Variants in SNX7 observed in about 807,000 individuals in gnomAD.
SNX7 encodes sorting nexin 7.
A neutral mutation model predicts 48.4 loss-of-function variants in SNX7; 35 were observed. The ratio of observed to expected loss-of-function variants is 0.72; its 90% CI spans 0.55 to 0.96. The LOEUF (loss-of-function observed/expected upper bound fraction) is 0.96, where lower values mean the gene tolerates loss of function less well. Ranked by LOEUF, SNX7 falls within the 40% of genes least tolerant of loss-of-function variation. The pLI is 0.00. For synonymous variants in SNX7, 190 were observed against 190.2 expected (o/e 1.00, Z 0.01); for missense variants, 553 against 548.9 (o/e 1.01, Z -0.07).
intron 6 of SNX7, among the ~76,000 whole-genome samples, chr1:98,700,461 T>C (rs896725176): frequency 6.6e-6 from 1 of 152,092 alleles, no homozygotes; most frequent in African/African-American, 2.4e-5. Context: ...TATTTAAACA[T>C]TGAGGTAAAT....
intron 8 of SNX7, 124 bp from the exon 9 acceptor site, chr1:98,759,930 C>A: frequency 1.6e-6 from 1 of 620,074 alleles, no homozygotes; most frequent in Non-Finnish European, 2.9e-6. Flanking sequence ...AGGATTCTGA[C>A]AAGCTGATGG....
rs1654557730 is a variant in SNX7, at chr1:98,751,117, A to G, written c.1279-8937A>G. On this transcript the variant is annotated intron_variant, in intron 8 of 8. Transcript: ENST00000306121. ...TCACACTGTAGGACAGAACATCTTC[A>G]TATCCCACAAGCTTGAGAAAATAGT... 2.0e-5 allele frequency among the ~76,000 whole-genome samples: 3 copies of G among 152,070 alleles called. No homozygotes were observed. In the South Asian group the frequency reaches 6.2e-4, roughly 31 times the overall value.
At chr1:98,697,800 C>A (rs1045786320) in intron 5 of SNX7, among the ~76,000 whole-genome samples, 4 of 151,944 alleles carry the variant, frequency 2.6e-5, no homozygotes, top group African/African-American at 9.7e-5. Context: ...CATTGAGGGC[C>A]AAAGCATCTA....
chr1:98,674,213 A>T (rs1570491577), intron 1 of SNX7, among the ~76,000 whole-genome samples: 1 of 152,188 alleles, frequency 6.6e-6, no homozygotes, highest in African/African-American at 2.4e-5. Context: ...ATTGTGTACC[A>T]TTTTAAGTGC....
chr1:98,662,431 A>G (rs557689543), intron 1 of SNX7: 1 of 291,974 alleles, frequency 3.4e-6, no homozygotes, highest in African/African-American at 2.2e-5. Flanking sequence ...CTCCCTGAAC[A>G]GGAGAAAACG....
chr1:98,666,322 T>G (rs1358853283), intron 1 of SNX7, among the ~76,000 whole-genome samples: 2 of 152,192 alleles, frequency 1.3e-5, no homozygotes, highest in African/African-American at 4.8e-5. Context: ...GAAATAGCAT[T>G]GCTGGAAACC....
chr1:98,744,458 T>C (rs1654223832), intron 8 of SNX7, among the ~76,000 whole-genome samples: 1 of 149,288 alleles, frequency 6.7e-6, no homozygotes, highest in African/African-American at 2.5e-5. Flanking sequence ...AAGAAGAGAG[T>C]TTTGGGGGAA....
At chr1:98,666,271 A>G (rs1477063185) in intron 1 of SNX7, among the ~76,000 whole-genome samples, 2 of 152,242 alleles carry the variant, frequency 1.3e-5, no homozygotes, top group Non-Finnish European at 2.9e-5. Context: ...TGTAGTGGGA[A>G]AAAGCTATTA....
intron 7 of SNX7, among the ~76,000 whole-genome samples, chr1:98,705,290 C>G (rs1207740024): frequency 6.6e-6 from 1 of 152,122 alleles, no homozygotes; most frequent in East Asian, 1.9e-4. Context: ...TTCAGCTGTT[C>G]ATGTAGAGTT....
chr1:98,713,106 A>AAAAAAC (rs2100993642), intron 7 of SNX7, among the ~76,000 whole-genome samples: 1 of 151,956 alleles, frequency 6.6e-6, no homozygotes, highest in South Asian at 2.1e-4. Context: ...AAAAAAAAAA[A>AAAAAAC]AAAAAACTTG....
At chr1:98,678,067 G>T (rs984464038) in intron 1 of SNX7, among the ~76,000 whole-genome samples, 61 of 151,758 alleles carry the variant, frequency 4.0e-4, no homozygotes, top group African/African-American at 1.4e-3. Context: ...CTGAGGCTGG[G>T]TCATTTATAA....
At chr1:98,692,505 T>C (rs2100956841) in intron 4 of SNX7, among the ~76,000 whole-genome samples, 3 of 152,166 alleles carry the variant, frequency 2.0e-5, no homozygotes, top group Middle Eastern at 6.8e-3. Flanking sequence ...TTCATATGGG[T>C]CCCATGGTAT....
chr1:98,746,958 G>A (rs1654337518), intron 8 of SNX7, among the ~76,000 whole-genome samples: 1 of 151,882 alleles, frequency 6.6e-6, no homozygotes, highest in Admixed American at 6.6e-5. Context: ...CTTTTTAGAG[G>A]TCAATTTATT....
chr1:98,715,718 GT>G, intron 7 of SNX7, among the ~76,000 whole-genome samples: 1 of 152,190 alleles, frequency 6.6e-6, no homozygotes, highest in African/African-American at 2.4e-5. Context: ...ACAACAAAAC[GT>G]TCTGACTCTC....
At chr1:98,666,121 G>A (rs1378155264) in intron 1 of SNX7, among the ~76,000 whole-genome samples, 1 of 152,084 alleles carries the variant, frequency 6.6e-6, no homozygotes, top group Non-Finnish European at 1.5e-5. Flanking sequence ...GGTTTCTGTT[G>A]TGTGCCTATA....
At chr1:98,705,577 A>T (rs1651966510) in intron 7 of SNX7, among the ~76,000 whole-genome samples, 1 of 152,158 alleles carries the variant, frequency 6.6e-6, no homozygotes, top group Admixed American at 6.6e-5. Flanking sequence ...GGTCCTATAA[A>T]ATGACTATGG....
At chr1:98,734,076 T>C (rs1279957697) in intron 7 of SNX7, among the ~76,000 whole-genome samples, 1 of 152,122 alleles carries the variant, frequency 6.6e-6, no homozygotes, top group Non-Finnish European at 1.5e-5. Flanking sequence ...CTCTTGTCCA[T>C]TCTTCTGTCA....
At chr1:98,676,160 T>C (rs1268637860) in intron 1 of SNX7, among the ~76,000 whole-genome samples, 3 of 151,992 alleles carry the variant, frequency 2.0e-5, no homozygotes, top group East Asian at 1.9e-4. Flanking sequence ...TACACACACA[T>C]TGGAATCTGG....
At chr1:98,759,765 C>T (rs558906220) in intron 8 of SNX7, among the ~76,000 whole-genome samples, 1 of 152,176 alleles carries the variant, frequency 6.6e-6, no homozygotes, top group Non-Finnish European at 1.5e-5. Flanking sequence ...ATCTTTGCCT[C>T]TATAACGTGA....
Sources: gnomAD v4.1 joint callset for allele counts (sites outside exome capture counted in the v4.1 genomes callset) on GRCh38, gnomAD v4.1.1 for gene constraint, MANE v1.5 for transcripts, NCBI Gene and HGNC (gene_info 2026-07-23, HGNC 2026-07-21) for gene names.